CUX1: variants seen among roughly 807,000 people sequenced by gnomAD.
CUX1 encodes the protein protein CASP.
CUX1 carries 31 observed loss-of-function variants against 158.8 expected under a neutral mutation model. That is an observed-to-expected ratio of 0.20 (90% confidence interval 0.15 to 0.26). CUX1 has a LOEUF of 0.26. CUX1 is among the 10% of genes least tolerant of loss of function. The pLI is 1.00. For missense variants in CUX1, 1,589 were observed against 2,014.6 expected, an observed-to-expected ratio of 0.79 and a Z score of 4.04; for synonymous variants, 879 against 862.1, an observed-to-expected ratio of 1.02 and a Z score of -0.34.
intron 1 of CUX1, among the ~76,000 whole-genome samples, chr7:101,895,908 GTTTT>G (rs869038068): frequency 1.1e-5 from 1 of 93,998 alleles, no homozygotes; most frequent in Non-Finnish European, 2.2e-5. Flanking sequence ...TTTTGTTTTT[GTTTT>G]TTTTTTTTTT....
At chr7:101,950,374 A>T (rs921181793) in intron 2 of CUX1, among the ~76,000 whole-genome samples, 1 of 152,200 alleles carries the variant, frequency 6.6e-6, no homozygotes, top group African/African-American at 2.4e-5. Context: ...CCAGAAAATT[A>T]TATGAAATTC....
At chr7:101,978,862 T>A (rs553064266) in intron 2 of CUX1, among the ~76,000 whole-genome samples, 1 of 152,322 alleles carries the variant, frequency 6.6e-6, no homozygotes, top group South Asian at 2.1e-4. Context: ...CCTCCTAGAA[T>A]GCCATTCCCA....
chr7:101,876,752 C>T (rs906866292), intron 1 of CUX1, among the ~76,000 whole-genome samples: 12 of 151,638 alleles, frequency 7.9e-5, no homozygotes, highest in African/African-American at 1.9e-4. Flanking sequence ...TATATATATA[C>T]ACACACACAC....
Position 102,196,960 on chromosome 7 carries a change from A to T in CUX1, c.1549A>T (p.Ile517Leu), listed in dbSNP as rs782287393. The change falls in exon 15 of 24, where the codon ATA becomes TTA. Residue 517 changes from isoleucine to leucine, a missense_variant. By Grantham distance (5) the Ile-to-Leu change is conservative (BLOSUM62 2). Transcript: ENST00000292535. ...AACAGGTCCATACAGCACAAACTCCATATCTTCCCAAAGTCCATTACAACA... is the reference window on the plus strand; with the variant it reads ...AACAGGTCCATACAGCACAAACTCCTTATCTTCCCAAAGTCCATTACAACA... ...FSTGPYSTNS[I>L]SSQSPLQQSP... 1.2e-6 allele frequency: 2 copies of T among 1,614,140 alleles called. No homozygotes were observed. The highest frequency in any genetic ancestry group is 1.7e-6 in the Non-Finnish European group (2 of 1,180,026).
chr7:101,871,707 G>A (rs929792285), intron 1 of CUX1, among the ~76,000 whole-genome samples: 8 of 152,132 alleles, frequency 5.3e-5, no homozygotes, highest in African/African-American at 1.7e-4. Flanking sequence ...GCGTCGCCTC[G>A]CACAGGAAAG....
chr7:101,816,502 A>AGCGGGGAGCGGGCG (rs1791805683), upstream of CUX1, among the ~76,000 whole-genome samples: 1 of 131,652 alleles, frequency 7.6e-6, no homozygotes. Context: ...GCGAGCGGGG[A>AGCGGGGAGCGGGCG]GCGGGGAGCG....
chr7:101,950,545 C>T (rs1252311854), intron 2 of CUX1, among the ~76,000 whole-genome samples: 1 of 152,100 alleles, frequency 6.6e-6, no homozygotes, highest in Non-Finnish European at 1.5e-5. Flanking sequence ...ATCTCCAGAA[C>T]TTTTTCATCA....
intron 5 of CUX1, among the ~76,000 whole-genome samples, chr7:102,099,799 TG>T (rs1323854277): frequency 6.6e-6 from 1 of 152,176 alleles, no homozygotes; most frequent in Admixed American, 6.5e-5. Flanking sequence ...TGGGGCCTGG[TG>T]GGCTGTGCAG....
At chr7:101,839,307 C>T (rs1303843285) in intron 1 of CUX1, among the ~76,000 whole-genome samples, 1 of 152,046 alleles carries the variant, frequency 6.6e-6, no homozygotes, top group Non-Finnish European at 1.5e-5. Flanking sequence ...CTCCCCCAAG[C>T]CCCTCCATGC....
chr7:102,240,709 T>C (rs1346615494), intron 23 of CUX1, among the ~76,000 whole-genome samples: 2 of 152,238 alleles, frequency 1.3e-5, no homozygotes, highest in Non-Finnish European at 2.9e-5. Flanking sequence ...TGAAGACAGA[T>C]TGAGCATCTT....
chr7:102,031,563 A>G (rs1191367569), intron 3 of CUX1, among the ~76,000 whole-genome samples: 1 of 152,218 alleles, frequency 6.6e-6, no homozygotes, highest in Non-Finnish European at 1.5e-5. Flanking sequence ...AAATAAATAC[A>G]TAAAATTATC....
chr7:102,080,723 T>C (rs528421177), intron 4 of CUX1, among the ~76,000 whole-genome samples: 193 of 152,326 alleles, frequency 1.3e-3, no homozygotes, highest in African/African-American at 4.3e-3. Flanking sequence ...TCTGCAGCTC[T>C]TCTGAGATCC....
At chr7:102,003,247 C>G (rs1365080786) in intron 2 of CUX1, among the ~76,000 whole-genome samples, 1 of 150,856 alleles carries the variant, frequency 6.6e-6, no homozygotes, top group Non-Finnish European at 1.5e-5. Flanking sequence ...GGGCGGGGGT[C>G]TCTGGCCAGG....
At chr7:102,031,218 C>T (rs1820751797) in intron 3 of CUX1, among the ~76,000 whole-genome samples, 1 of 152,104 alleles carries the variant, frequency 6.6e-6, no homozygotes, top group African/African-American at 2.4e-5. Flanking sequence ...ACCACCTCGC[C>T]CAGCTAATTT....
At position 101,970,287 on chromosome 7, in the gene CUX1, C is replaced by G. The variant is rs1458549958; in HGVS notation, c.141+54062C>G. On this transcript the variant is annotated intron_variant, in intron 2 of 23. Transcript: ENST00000292535. ...CAACAGACCTTTCATAGAGAAACGGCTGGCCTTGACTTTGAGTCCTTCCAT... is the reference window on the plus strand; with the variant it reads ...CAACAGACCTTTCATAGAGAAACGGGTGGCCTTGACTTTGAGTCCTTCCAT... Among the ~76,000 whole-genome samples the G allele has an allele frequency of 7.2e-5, 11 of 152,274 alleles. No individual in the cohort carries two copies. The East Asian group carries it at 2.1e-3, about 29-fold the overall frequency.
In CUX1 at chr7:101,866,343, C is replaced by T. The variant is rs868459068; in HGVS notation, c.30+48674C>T. On this transcript the variant is annotated intron_variant, in intron 1 of 23. Transcript: ENST00000292535. ...AAAATTAGCTGAGTGTGGTAGTGCACGCCTGTATTTCCAGCTACTTGGGAG... is the reference window on the plus strand; with the variant it reads ...AAAATTAGCTGAGTGTGGTAGTGCATGCCTGTATTTCCAGCTACTTGGGAG... 6.6e-5 allele frequency among the ~76,000 whole-genome samples: 10 copies of T among 151,980 alleles called. No individual in the cohort carries two copies. The South Asian group carries it at 1.5e-3, about 22-fold the overall frequency.
chr7:102,252,964 T>G lies in CUX1; in HGVS notation c.*3922T>G. 2.0e-6 allele frequency: 2 copies of G among 985,410 alleles called. No individual in the cohort carries two copies. Among genetic ancestry groups the G allele is most frequent in the Non-Finnish European group, 2.4e-6 (2 of 829,926 alleles). 61.0% of individuals were successfully genotyped at this position (985,410 alleles called of 1,614,324 possible). On this transcript the variant is annotated 3_prime_UTR_variant, in exon 24 of 24. Transcript: ENST00000292535. The stretch of plus-strand genomic sequence containing the variant: ...CAGGGATGCATGCATGGGAGAACTC[T>G]CTGAGAAATGCCAGGATCGTGGCTC...
At chr7:102,032,630 G>A (rs1820923874) in intron 3 of CUX1, among the ~76,000 whole-genome samples, 1 of 151,928 alleles carries the variant, frequency 6.6e-6, no homozygotes, top group Admixed American at 6.6e-5. Flanking sequence ...GCACTCTAGA[G>A]CCACTGTACT....
At chr7:101,845,358 G>T (rs1795581439) in intron 1 of CUX1, among the ~76,000 whole-genome samples, 1 of 152,146 alleles carries the variant, frequency 6.6e-6, no homozygotes, top group African/African-American at 2.4e-5. Flanking sequence ...GACTGGCCAC[G>T]AATTGGCGAT....
Sources: allele counts gnomAD v4.1 joint callset (sites outside exome capture counted in the v4.1 genomes callset), GRCh38; gene constraint gnomAD v4.1.1; transcripts MANE v1.5; gene names NCBI Gene and HGNC (gene_info 2026-07-23, HGNC 2026-07-21).